KLHL7: variants seen among roughly 807,000 people sequenced by gnomAD.
KLHL7 encodes kelch-like protein 7.
Under a neutral mutation model 67.4 loss-of-function variants are expected in KLHL7, and 44 were observed. That is an observed-to-expected ratio of 0.65 (90% CI 0.51 to 0.84). KLHL7 has a LOEUF of 0.84. Among genes scored for constraint, KLHL7 ranks in the 40% least tolerant of loss-of-function variants. KLHL7 has a pLI of 0.00. For synonymous variants in KLHL7, 252 were observed against 243.3 expected, an observed-to-expected ratio of 1.04 and a Z score of -0.33; for missense variants, 362 against 718.1, an observed-to-expected ratio of 0.50 and a Z score of 5.67.
intron 7 of KLHL7, among the ~76,000 whole-genome samples, chr7:23,154,394 C>T (rs1881201): frequency 0.56 from 84,813 of 151,916 alleles, 24,652 homozygotes; most frequent in East Asian, 0.82. Flanking sequence ...TTTACAAAAC[C>T]AGCTAAGGGG....
At chr7:23,157,096 A>G (rs924310756) in intron 7 of KLHL7, among the ~76,000 whole-genome samples, 9 of 152,216 alleles carry the variant, frequency 5.9e-5, no homozygotes, top group African/African-American at 2.2e-4. Context: ...GCAGTTATAA[A>G]TTGTGTACGA....
At chr7:23,154,318 G>A (rs925939742) in intron 7 of KLHL7, among the ~76,000 whole-genome samples, 1 of 152,026 alleles carries the variant, frequency 6.6e-6, no homozygotes, top group South Asian at 2.1e-4. Context: ...TCACGCCACG[G>A]CACTCCAGCC....
chr7:23,147,714 T>A (rs6976957), intron 6 of KLHL7, among the ~76,000 whole-genome samples: 68,690 of 152,084 alleles, frequency 0.45, 17,884 homozygotes, highest in African/African-American at 0.73. Flanking sequence ...TTTTGCCAAG[T>A]TCTATAGGGC....
chr7:23,136,604 A>G (rs1783984367), intron 4 of KLHL7, among the ~76,000 whole-genome samples: 2 of 152,238 alleles, frequency 1.3e-5, no homozygotes, highest in South Asian at 4.1e-4. Flanking sequence ...ATCATCAGCC[A>G]CAGAAAAGCT....
At chr7:23,140,408 T>A (rs1784135290) in intron 4 of KLHL7, among the ~76,000 whole-genome samples, 1 of 151,962 alleles carries the variant, frequency 6.6e-6, no homozygotes, top group South Asian at 2.1e-4. Flanking sequence ...ACAAAAAAAA[T>A]TAGCCAGGCG....
At chr7:23,169,338 A>G (rs570922356) in intron 9 of KLHL7, among the ~76,000 whole-genome samples, 1 of 152,188 alleles carries the variant, frequency 6.6e-6, no homozygotes, top group Non-Finnish European at 1.5e-5. Context: ...TGATTCCCAC[A>G]TATTTTTAAA....
In KLHL7 at chr7:23,176,582, G is replaced by A. The variant is rs999296705; in HGVS notation, c.*2284G>A. 1 of 152,424 alleles carries A rather than the reference G, an allele frequency of 6.6e-6. No homozygotes were observed. Among genetic ancestry groups the A allele is most frequent in the Non-Finnish European group, 1.5e-5 (1 of 68,462 alleles). The allele number at this position is 152,424 out of a possible 1,614,324, so 9.4% of individuals were successfully genotyped here. A position where few individuals can be genotyped will look rare whatever the true frequency, so the allele number is the denominator to read the frequency against. On this transcript the variant is annotated 3_prime_UTR_variant, in exon 11 of 11. Coordinates refer to ENST00000339077, the MANE Select transcript of KLHL7 (RefSeq NM_001031710.3). The stretch of plus-strand genomic sequence containing the variant: ...AGCTACTCAGAAGGCTGAGGTGGGA[G>A]GATCACTTGAGCCCAGGAGTTCAAG...
chr7:23,124,587 C>T (rs7789664), intron 2 of KLHL7, 101 bp from the exon 3 acceptor site: 25,361 of 759,724 alleles, frequency 0.033, 2,153 homozygotes, highest in African/African-American at 0.24. Flanking sequence ...AGAACTGTCC[C>T]GTTATTTTTC....
At chr7:23,124,913 C>T (rs1176513709) in intron 3 of KLHL7, 132 bp downstream of exon 3, 1 of 1,060,812 alleles carries the variant, frequency 9.4e-7, no homozygotes, top group Non-Finnish European at 1.4e-6. Context: ...GTTTCAGTAT[C>T]CTATGCCATA....
chr7:23,141,844 A>G (rs183610682), intron 5 of KLHL7, among the ~76,000 whole-genome samples: 1 of 152,062 alleles, frequency 6.6e-6, no homozygotes, highest in South Asian at 2.1e-4. Context: ...AGGATGGTCT[A>G]GATCTCCTGA....
intron 4 of KLHL7, among the ~76,000 whole-genome samples, chr7:23,127,270 A>T (rs969089234): frequency 1.6e-4 from 24 of 152,178 alleles, no homozygotes; most frequent in Admixed American, 7.2e-4. Flanking sequence ...GTCTGTGCTA[A>T]GCACATCTTA....
chr7:23,120,094 T>G (rs756745333), intron 1 of KLHL7, among the ~76,000 whole-genome samples: 1 of 151,834 alleles, frequency 6.6e-6, no homozygotes, highest in Non-Finnish European at 1.5e-5. Flanking sequence ...ACTGCAACCT[T>G]TTGCCCCCGG....
At chr7:23,172,878 G>C (rs1785205380) in intron 9 of KLHL7, 70 bp from the exon 10 acceptor site, 6 of 1,068,622 alleles carry the variant, frequency 5.6e-6, no homozygotes, top group Middle Eastern at 2.0e-4. Flanking sequence ...TAGAATAATA[G>C]ACCTTTCTCA....
rs1784992253 is a variant in KLHL7 at position 23,165,908 on chromosome 7, A to T, written c.1147A>T (p.Lys383Ter). 1.2e-6 allele frequency: 2 copies of T among 1,614,178 alleles called. No individual in the cohort carries two copies. Among genetic ancestry groups the T allele is most frequent in the Non-Finnish European group, 1.7e-6 (2 of 1,179,996 alleles). ...DSLAACAAEG[K>*]IYTSGGSEVG... ...CCTTGCTGCATGTGCTGCAGAAGGC[A>T]AAATTTATACATCTGGAGGTTCAGA... is the stretch of plus-strand genomic sequence containing the variant. The change falls in exon 8 of 11, where the codon AAA becomes TAA. Residue 383 changes from lysine (K) to a stop codon, truncating the protein, a stop_gained. Transcript: ENST00000339077. LOFTEE classifies it high-confidence loss of function.
chr7:23,141,474 G>A (rs183148336), intron 5 of KLHL7, among the ~76,000 whole-genome samples: 297 of 152,360 alleles, frequency 1.9e-3, no homozygotes, highest in African/African-American at 6.1e-3. Context: ...CTCCTGTAGA[G>A]TCTCCAGGCA....
In KLHL7 at chr7:23,123,214, A is replaced by G. The variant is rs141410048; in HGVS notation, c.121-563A>G. ...CAGAAGTGCATTTGAGAGAAGTGTTATTTAATAAAAGATTGCTGAAAGGAC... is the reference window on the plus strand; with the variant it reads ...CAGAAGTGCATTTGAGAGAAGTGTTGTTTAATAAAAGATTGCTGAAAGGAC... On this transcript the variant is annotated intron_variant, in intron 1 of 10. Coordinates refer to ENST00000339077, the MANE Select transcript of KLHL7 (RefSeq NM_001031710.3). 2.8e-3 allele frequency among the ~76,000 whole-genome samples: 420 copies of G among 152,340 alleles called. 2 individuals are homozygous for G. Among genetic ancestry groups the G allele is most frequent in the African/African-American group, 9.8e-3 (408 of 41,578 alleles).
intron 2 of KLHL7, among the ~76,000 whole-genome samples, chr7:23,124,222 A>AAAAAAG (rs59188192): frequency 8.8e-6 from 1 of 114,140 alleles, no homozygotes; most frequent in African/African-American, 3.8e-5. Flanking sequence ...AAAAAAAAAA[A>AAAAAAG]GCCCAGGGTT....
Position 23,144,934 on chromosome 7 carries a change from C to CA in KLHL7, c.793+922dup, listed in dbSNP as rs776556075. Among the ~76,000 whole-genome samples the CA allele has an allele frequency of 2.1e-3, 294 of 139,994 alleles. 1 individual carries two copies. Among genetic ancestry groups the CA allele is most frequent in the Middle Eastern group, 7.3e-3 (2 of 274 alleles). 91.8% of individuals were successfully genotyped at this position (139,994 alleles called of 152,430 possible). A position where few individuals can be genotyped will look rare whatever the true frequency, so the allele number is the denominator to read the frequency against. ...GCAACATAGCGAGATTCCAACTCTC[C>CA]AAAAAAAAAAAAACCTAGCCGGGCG... On this transcript the variant is annotated intron_variant, in intron 6 of 10. Transcript: ENST00000339077.
chr7:23,108,095 A>G (rs1370332831), intron 1 of KLHL7, among the ~76,000 whole-genome samples: 1 of 152,184 alleles, frequency 6.6e-6, no homozygotes, highest in Non-Finnish European at 1.5e-5. Context: ...CTACTTTTAC[A>G]TCCCTTTACA....
Sources: gnomAD v4.1 joint callset for allele counts (sites outside exome capture counted in the v4.1 genomes callset) on GRCh38, gnomAD v4.1.1 for gene constraint, MANE v1.5 for transcripts, NCBI Gene and HGNC (gene_info 2026-07-23, HGNC 2026-07-21) for gene names.